Variants in PPP4R4 observed in about 807,000 individuals in gnomAD.
PPP4R4 encodes the protein protein phosphatase 4 regulatory subunit 4.
Under a neutral mutation model 121.8 loss-of-function variants are expected in PPP4R4, and 70 were observed. That is an observed-to-expected ratio of 0.57 (90% CI 0.47 to 0.70). PPP4R4 has a LOEUF of 0.70. Ranked by LOEUF, PPP4R4 falls within the 30% of genes least tolerant of loss-of-function variation. The pLI is 0.00. For missense variants in PPP4R4, 875 were observed against 1,033.6 expected (o/e 0.85, Z 2.10); for synonymous variants, 348 against 355.7 (o/e 0.98, Z 0.24).
chr14:94,202,844 G>A (rs369970727), intron 2 of PPP4R4, among the ~76,000 whole-genome samples: 100 of 152,124 alleles, frequency 6.6e-4, no homozygotes, highest in African/African-American at 2.4e-3. Flanking sequence ...TTGGCCGGGC[G>A]TGGTGGCACG....
intron 23 of PPP4R4, 138 bp from the exon 24 acceptor site, chr14:94,275,236 T>A: frequency 1.0e-6 from 1 of 952,616 alleles, no homozygotes; most frequent in Non-Finnish European, 1.6e-6. Flanking sequence ...CTTTTTGCAG[T>A]TTGTTGTATG....
chr14:94,217,840 C>T (rs1264564086), intron 3 of PPP4R4, among the ~76,000 whole-genome samples: 6 of 152,034 alleles, frequency 3.9e-5, no homozygotes, highest in African/African-American at 1.4e-4. Context: ...AGTAAAAATA[C>T]AAAATTAGCC....
chr14:94,264,242 G>A (rs531389765), intron 19 of PPP4R4, among the ~76,000 whole-genome samples: 7 of 152,232 alleles, frequency 4.6e-5, no homozygotes, highest in East Asian at 1.9e-4. Context: ...TCCACCTCCC[G>A]GGTTGAAGTG....
At position 94,176,087 on chromosome 14, in the gene PPP4R4, G is replaced by A. The variant is rs565648323; in HGVS notation, c.151G>A (p.Glu51Lys). ...PEEIERLTVD[E>K]DLSDIERAVY... ...AGAAATAGAAAGATTGACAGTCGAT[G>A]AAGACCTCAGTGATATTGAAAGGGC... Residue 51 changes from glutamate to lysine, a missense_variant, in exon 2 of 25, where the codon GAA (glutamate) becomes AAA (lysine). By Grantham distance (56) the Glu-to-Lys change is moderately conservative (BLOSUM62 1). Coordinates refer to ENST00000304338, the MANE Select transcript of PPP4R4 (RefSeq NM_058237.2). 1.9e-6 allele frequency: 3 copies of A among 1,612,678 alleles called. No homozygotes were observed. Among genetic ancestry groups the A allele is most frequent in the Non-Finnish European group, 2.5e-6 (3 of 1,178,768 alleles).
intron 2 of PPP4R4, among the ~76,000 whole-genome samples, chr14:94,206,789 G>T (rs1389323825): frequency 1.3e-5 from 2 of 151,962 alleles, no homozygotes; most frequent in African/African-American, 4.8e-5. Context: ...CTTTAGCAGT[G>T]TAGTAAATTT....
chr14:94,265,281 C>A, intron 20 of PPP4R4, 106 bp from the exon 21 acceptor site: 1 of 773,132 alleles, frequency 1.3e-6, no homozygotes. Context: ...AAGAAAGCTG[C>A]TTAGCTAGGG....
In PPP4R4 at chr14:94,246,531, A is replaced by T; in HGVS notation, c.1603A>T (p.Met535Leu). Residue 535 changes from methionine (M) to leucine (L), a missense_variant, in exon 14 of 25, where the codon ATG becomes TTG. Transcript: ENST00000304338. ...RFLQRMFTIM[M>L]TNNVLPVQKA... The stretch of plus-strand genomic sequence containing the variant: ...CTTACAAAGAATGTTCACAATCATG[A>T]TGACAAATGTGAGCTCAGTACCTTT... 1 of 1,612,010 alleles carries T rather than the reference A, an allele frequency of 6.2e-7. No individual in the cohort carries two copies. The highest frequency in any genetic ancestry group is 1.1e-5 in the South Asian group (1 of 90,782).
chr14:94,277,609 A>G (rs893705832), intron 24 of PPP4R4, among the ~76,000 whole-genome samples: 6 of 152,170 alleles, frequency 3.9e-5, no homozygotes, highest in Non-Finnish European at 8.8e-5. Flanking sequence ...TCCACTTGCT[A>G]TATTTTTCTA....
At position 94,241,832 on chromosome 14, in the gene PPP4R4, A is replaced by C; in HGVS notation, c.1021A>C (p.Lys341Gln). Residue 341 changes from lysine (K) to glutamine (Q), a missense_variant, in exon 10 of 25, where the codon AAG becomes CAG. By Grantham distance (53) the Lys-to-Gln change is moderately conservative. Coordinates refer to ENST00000304338, the MANE Select transcript of PPP4R4 (RefSeq NM_058237.2). ...GCACTTGAGATTTTTGGAATTTTAT[A>C]AGAAACTTTGTACATTGGGTTTGCA... The part of the protein sequence containing the change: ...DQHLRFLEFY[K>Q]KLCTLGLQQE... The C allele has an allele frequency of 6.2e-7, 1 of 1,600,138 alleles. No individual in the cohort carries two copies. Among genetic ancestry groups the C allele is most frequent in the Non-Finnish European group, 8.5e-7 (1 of 1,176,186 alleles).
chr14:94,212,552 A>G (rs1890799059), intron 3 of PPP4R4, among the ~76,000 whole-genome samples: 1 of 152,124 alleles, frequency 6.6e-6, no homozygotes, highest in African/African-American at 2.4e-5. Context: ...TTGACCTCCA[A>G]TTTAAATTTC....
At chr14:94,256,169 T>G (rs1252672096) in intron 16 of PPP4R4, among the ~76,000 whole-genome samples, 3 of 152,208 alleles carry the variant, frequency 2.0e-5, no homozygotes, top group Non-Finnish European at 4.4e-5. Flanking sequence ...CTTCACTTTA[T>G]TTTTCTCCAT....
At chr14:94,258,621 A>AGT (rs775755171) in intron 17 of PPP4R4, among the ~76,000 whole-genome samples, 162 bp from the exon 18 acceptor site, 1 of 152,222 alleles carries the variant, frequency 6.6e-6, no homozygotes, top group Non-Finnish European at 1.5e-5. Flanking sequence ...ATTGATTGTA[A>AGT]GTACAATGTA....
rs1404078122 is a variant in PPP4R4 at position 94,241,944 on chromosome 14, C to T, written c.1133C>T (p.Ala378Val). ...TATATTTCAGTACGGAAGAACTGTGCTTATAACTTTCCGGTAATAAATATG... is the reference window on the plus strand; with the variant it reads ...TATATTTCAGTACGGAAGAACTGTGTTTATAACTTTCCGGTAATAAATATG... ...KKYISVRKNC[A>V]YNFPAMIVFV... Residue 378 changes from alanine (A) to valine (V), a missense_variant, in exon 10 of 25, where the codon GCT becomes GTT. Transcript: ENST00000304338. The T allele has an allele frequency of 6.3e-7, 1 of 1,590,882 alleles. No homozygotes were observed.
chr14:94,249,829 T>C (rs1012185566), intron 14 of PPP4R4, among the ~76,000 whole-genome samples: 6 of 152,016 alleles, frequency 3.9e-5, no homozygotes, highest in African/African-American at 1.4e-4. Context: ...TTATAGCAAA[T>C]GTTTGTCAGA....
At chr14:94,222,053 G>A (rs1891430549) in intron 3 of PPP4R4, among the ~76,000 whole-genome samples, 1 of 151,884 alleles carries the variant, frequency 6.6e-6, no homozygotes, top group Admixed American at 6.5e-5. Flanking sequence ...TTGACTCTGT[G>A]GCTTCTCCTG....
intron 3 of PPP4R4, among the ~76,000 whole-genome samples, chr14:94,229,021 T>G (rs1359765833): frequency 2.6e-5 from 4 of 152,142 alleles, no homozygotes; most frequent in Non-Finnish European, 5.9e-5. Context: ...AAAGTGGAAC[T>G]GAGAACACAT....
intron 23 of PPP4R4, among the ~76,000 whole-genome samples, chr14:94,273,944 G>T (rs1356607344): frequency 6.6e-6 from 1 of 152,046 alleles, no homozygotes; most frequent in Non-Finnish European, 1.5e-5. Flanking sequence ...GGCATTTAGT[G>T]TAACCTAATA....
intron 8 of PPP4R4, among the ~76,000 whole-genome samples, chr14:94,238,445 T>A (rs1318324378): frequency 6.6e-6 from 1 of 152,228 alleles, no homozygotes; most frequent in East Asian, 1.9e-4. Flanking sequence ...AGACAGATCC[T>A]GAGACATTGT....
intron 3 of PPP4R4, among the ~76,000 whole-genome samples, chr14:94,229,285 C>T (rs778467862): frequency 1.1e-4 from 16 of 152,004 alleles, no homozygotes; most frequent in Non-Finnish European, 2.1e-4. Context: ...TGTTCAGATT[C>T]TGGATTTGTT....
Sources: allele counts gnomAD v4.1 joint callset (sites outside exome capture counted in the v4.1 genomes callset), GRCh38; gene constraint gnomAD v4.1.1; transcripts MANE v1.5; gene names NCBI Gene and HGNC (gene_info 2026-07-23, HGNC 2026-07-21).